The following CACNG2 variants were observed in gnomAD, a reference collection of about 807,000 sequenced individuals.
The protein encoded by CACNG2 is calcium voltage-gated channel auxiliary subunit gamma 2.
In CACNG2, 3 loss-of-function variants were observed where a neutral mutation model predicts 25.9. That is an observed-to-expected ratio of 0.12 (90% confidence interval 0.05 to 0.30). The LOEUF is 0.30. Among genes scored for constraint, CACNG2 ranks in the 10% least tolerant of loss-of-function variants. The pLI is 1.00. For synonymous variants in CACNG2, 167 were observed against 173.3 expected, an observed-to-expected ratio of 0.96 and a Z score of 0.29; for missense variants, 341 against 432.5, an observed-to-expected ratio of 0.79 and a Z score of 1.88.
At chr22:36,660,554 C>A (rs906084039) in intron 1 of CACNG2, among the ~76,000 whole-genome samples, 2 of 152,250 alleles carry the variant, frequency 1.3e-5, no homozygotes, top group African/African-American at 4.8e-5. Context: ...GAGCACACTG[C>A]GCTGAGCTCC....
chr22:36,623,603 C>G (rs1442035494), intron 1 of CACNG2, among the ~76,000 whole-genome samples: 1 of 152,074 alleles, frequency 6.6e-6, no homozygotes, highest in African/African-American at 2.4e-5. Flanking sequence ...CCCCCGGTGA[C>G]TTCGTTAGCT....
At position 36,642,768 on chromosome 22, in the gene CACNG2, T is replaced by G. The variant is rs567659382; in HGVS notation, c.212-55220A>C. On this transcript the variant is annotated intron_variant, in intron 1 of 3. Transcript: ENST00000300105. ...AGCTCGTTTGCCTGGCAAAGACTTG[T>G]GTAATCATGGATAATTAGGATAGTG... 3.4e-4 allele frequency among the ~76,000 whole-genome samples: 52 copies of G among 152,346 alleles called. No individual in the cohort carries two copies. The South Asian group carries it at 0.01, about 30-fold the overall frequency.
chr22:36,587,497 T>A lies in CACNG2; in HGVS notation c.263A>T (p.Asp88Val), dbSNP rs1248507990. 1 of 1,613,806 alleles carries A rather than the reference T, an allele frequency of 6.2e-7. No individual in the cohort carries two copies. The highest frequency in any genetic ancestry group is 8.5e-7 in the Non-Finnish European group (1 of 1,179,668). ...KQIDHFPEDA[D>V]YEADTAEYFL... ...ATATTCTGCTGTGTCAGCTTCGTAA[T>A]CTGCATCCTCTGGGAAGTGATCAAT... is the stretch of plus-strand genomic sequence containing the variant. Residue 88 changes from aspartate (D) to valine (V), a missense_variant, in exon 2 of 4, where the codon GAT becomes GTT. Asp to Val is a radical substitution (Grantham distance 152, BLOSUM62 -3). Around this residue, in one of 2 missense-constraint regions of CACNG2, gnomAD observed 169 missense variants for 254.4 expected, o/e 0.66. Transcript: ENST00000300105.
At position 36,655,961 on chromosome 22, in the gene CACNG2, C is replaced by T. The variant is rs968132744; in HGVS notation, c.211+46405G>A. Reference sequence around the variant, plus strand: ...TAGCTGGGATTACAGGTGTGTGCCACCACGCCCAGTTAATTTTTGTATTTT... The same window carrying T: ...TAGCTGGGATTACAGGTGTGTGCCATCACGCCCAGTTAATTTTTGTATTTT... On this transcript the variant is annotated intron_variant, in intron 1 of 3. Transcript: ENST00000300105. 2.6e-5 allele frequency among the ~76,000 whole-genome samples: 4 copies of T among 151,964 alleles called. No individual in the cohort carries two copies. In the South Asian group the frequency reaches 8.3e-4, roughly 31 times the overall value.
At chr22:36,702,137 G>T (rs1375330411) in intron 1 of CACNG2, among the ~76,000 whole-genome samples, 1 of 152,068 alleles carries the variant, frequency 6.6e-6, no homozygotes, top group Non-Finnish European at 1.5e-5. Flanking sequence ...TTCCAATGAG[G>T]ATGTTTGAGG....
chr22:36,604,012 TA>T (rs987900823), intron 1 of CACNG2, among the ~76,000 whole-genome samples: 1 of 152,054 alleles, frequency 6.6e-6, no homozygotes, highest in Non-Finnish European at 1.5e-5. Flanking sequence ...GCAAAGTAAA[TA>T]AAAAAATCTT....
intron 1 of CACNG2, among the ~76,000 whole-genome samples, chr22:36,632,781 C>A (rs1356849680): frequency 6.6e-6 from 1 of 152,098 alleles, no homozygotes; most frequent in Admixed American, 6.6e-5. Context: ...ATCTTCTAGA[C>A]CCCTAACTGG....
At chr22:36,696,068 T>C (rs1169441171) in intron 1 of CACNG2, among the ~76,000 whole-genome samples, 1 of 152,222 alleles carries the variant, frequency 6.6e-6, no homozygotes, top group African/African-American at 2.4e-5. Context: ...TCTTGCATTA[T>C]CAGTCTGGAT....
At chr22:36,692,834 A>G (rs1937281931) in intron 1 of CACNG2, among the ~76,000 whole-genome samples, 1 of 152,140 alleles carries the variant, frequency 6.6e-6, no homozygotes, top group Admixed American at 6.6e-5. Flanking sequence ...TGCATGTGCT[A>G]AAAAAATAAA....
At chr22:36,604,710 TTATGTATG>T (rs1384518879) in intron 1 of CACNG2, among the ~76,000 whole-genome samples, 2 of 152,246 alleles carry the variant, frequency 1.3e-5, no homozygotes, top group African/African-American at 2.4e-5. Flanking sequence ...TATGTTAAAA[TTATGTATG>T]TACATTGTTT....
intron 1 of CACNG2, among the ~76,000 whole-genome samples, chr22:36,633,044 T>C (rs1324936638): frequency 6.6e-6 from 1 of 152,224 alleles, no homozygotes; most frequent in Non-Finnish European, 1.5e-5. Context: ...CTGTTCTCTC[T>C]ACCTAGAACC....
intron 1 of CACNG2, among the ~76,000 whole-genome samples, chr22:36,621,377 C>G (rs1936101677): frequency 6.6e-6 from 1 of 151,986 alleles, no homozygotes; most frequent in Non-Finnish European, 1.5e-5. Flanking sequence ...TGAGACCAAC[C>G]CGGCCCACAT....
Position 36,563,366 on chromosome 22 carries a change from C to CGGG in CACNG2, c.*982_*984dup, listed in dbSNP as rs56791508. On this transcript the variant is annotated 3_prime_UTR_variant, in exon 4 of 4. Coordinates refer to ENST00000300105, the MANE Select transcript of CACNG2 (RefSeq NM_006078.5). ...GGAGGGAGAGCTGTTTCATGTCCCCCGGGGGGGGGGGTGGCATCTCCTGAC... is the reference window on the plus strand; with the variant it reads ...GGAGGGAGAGCTGTTTCATGTCCCCCGGGGGGGGGGGGGGTGGCATCTCCTGAC... Among the ~76,000 whole-genome samples, 17 of 148,030 alleles carry CGGG rather than the reference C, an allele frequency of 1.1e-4. No homozygotes were observed. The highest frequency in any genetic ancestry group is 2.2e-4 in the South Asian group (1 of 4,534).
chr22:36,669,546 T>C (rs1333230529), intron 1 of CACNG2, among the ~76,000 whole-genome samples: 4 of 149,304 alleles, frequency 2.7e-5, no homozygotes, highest in South Asian at 2.1e-4. Flanking sequence ...ACATCTTCTC[T>C]GAACTCCTGA....
At chr22:36,667,531 C>T (rs1325921275) in intron 1 of CACNG2, among the ~76,000 whole-genome samples, 2 of 152,116 alleles carry the variant, frequency 1.3e-5, no homozygotes, top group South Asian at 2.1e-4. Flanking sequence ...ATTTGGCTCT[C>T]AGAAAAGGAG....
intron 2 of CACNG2, among the ~76,000 whole-genome samples, chr22:36,580,491 C>T (rs947821119): frequency 6.6e-6 from 1 of 152,300 alleles, no homozygotes; most frequent in African/African-American, 2.4e-5. Context: ...CTCCCTTCCC[C>T]CTTCTCTCCA....
At chr22:36,679,211 T>TTTCTTTCC (rs1937062050) in intron 1 of CACNG2, among the ~76,000 whole-genome samples, 1 of 133,690 alleles carries the variant, frequency 7.5e-6, no homozygotes, top group African/African-American at 2.8e-5. Context: ...TCTTTCTTTC[T>TTTCTTTCC]TTCTTTCTTT....
rs578015753 is a variant in CACNG2, at chr22:36,703,373, C to T, written c.-797G>A. On this transcript the variant is annotated 5_prime_UTR_variant, in exon 1 of 4. Transcript: ENST00000300105. ...GCGAAGTGGGGGAGAGAGGGGGTTT[C>T]TCCTGGAGAATCGAGGCGGATTTCC... 1.3e-5 allele frequency: 2 copies of T among 153,240 alleles called. No individual in the cohort carries two copies. The highest frequency in any genetic ancestry group is 3.9e-4 in the East Asian group (2 of 5,156). The allele number at this position is 153,240 out of a possible 1,614,324, so 9.5% of individuals were successfully genotyped here.
intron 1 of CACNG2, among the ~76,000 whole-genome samples, chr22:36,663,096 T>G (rs1463426648): frequency 6.6e-6 from 1 of 151,912 alleles, no homozygotes; most frequent in Non-Finnish European, 1.5e-5. Flanking sequence ...GATCCCATCC[T>G]CCTCCATGGT....
Sources: allele counts gnomAD v4.1 joint callset (sites outside exome capture counted in the v4.1 genomes callset), GRCh38; gene constraint gnomAD v4.1.1; regional missense constraint gnomAD v4.1.1; transcripts MANE v1.5; gene names NCBI Gene and HGNC (gene_info 2026-07-23, HGNC 2026-07-21).